The following DICER1 variants were observed in gnomAD, a reference collection of about 807,000 sequenced individuals.
DICER1 encodes the protein endoribonuclease Dicer.
In DICER1, 43 loss-of-function variants were observed where a neutral mutation model predicts 194.1. The ratio of observed to expected loss-of-function variants is 0.22; its 90% CI spans 0.17 to 0.29. The LOEUF (loss-of-function observed/expected upper bound fraction) is 0.29, where lower values mean the gene tolerates loss of function less well. DICER1 is among the 10% of genes least tolerant of loss of function. The pLI, the probability that DICER1 is intolerant of heterozygous loss-of-function variation, is 1.00. For missense variants in DICER1, 1,608 were observed against 2,317.0 expected, an observed-to-expected ratio of 0.69 and a Z score of 6.28; for synonymous variants, 832 against 820.5, an observed-to-expected ratio of 1.01 and a Z score of -0.24.
At chr14:95,120,718 A>G (rs891756699) in intron 8 of DICER1, among the ~76,000 whole-genome samples, 2 of 152,244 alleles carry the variant, frequency 1.3e-5, no homozygotes, top group African/African-American at 4.8e-5. Flanking sequence ...TTATGGCCCA[A>G]AGTATAAAAT....
At chr14:95,091,885 C>A (rs1267933039) in intron 24 of DICER1, among the ~76,000 whole-genome samples, 1 of 152,232 alleles carries the variant, frequency 6.6e-6, no homozygotes, top group South Asian at 2.1e-4. Context: ...CTTCATTAAG[C>A]CACTAGATAT....
At chr14:95,119,460 G>C (rs915749128) in intron 8 of DICER1, among the ~76,000 whole-genome samples, 4 of 152,156 alleles carry the variant, frequency 2.6e-5, no homozygotes, top group Admixed American at 2.6e-4. Flanking sequence ...CCAGTACCCA[G>C]GACAAAGCTA....
chr14:95,109,619 T>C (rs561846314), intron 14 of DICER1, among the ~76,000 whole-genome samples: 1 of 152,244 alleles, frequency 6.6e-6, no homozygotes, highest in Non-Finnish European at 1.5e-5. Flanking sequence ...GAGGAAAACA[T>C]GCATTTTGGG....
intron 1 of DICER1, among the ~76,000 whole-genome samples, chr14:95,138,840 A>C: frequency 7.7e-6 from 1 of 130,686 alleles, no homozygotes. Flanking sequence ...GGGGGGAGGG[A>C]TAGCATTGGG....
intron 1 of DICER1, among the ~76,000 whole-genome samples, chr14:95,142,980 T>C (rs142300579): frequency 6.8e-4 from 103 of 152,356 alleles, no homozygotes; most frequent in African/African-American, 2.4e-3. Context: ...CATGTTATTA[T>C]GCATCACAGA....
rs1214205296 is a variant in DICER1, at chr14:95,157,409, G to GCGCCGCGCCTC, written c.-236_-226dup. The GCGCCGCGCCTC allele has an allele frequency of 6.6e-6, 1 of 152,370 alleles. No individual in the cohort carries two copies. The highest frequency in any genetic ancestry group is 1.5e-5 in the Non-Finnish European group (1 of 68,110). 9.4% of individuals were successfully genotyped at this position (152,370 alleles called of 1,614,324 possible). ...CATTCACCTGGGCCTGCAGCAGCCT[G>GCGCCGCGCCTC]CGCCGCGCCTCCGCCTCGACCCCTC... On this transcript the variant is annotated 5_prime_UTR_variant, in exon 1 of 27. Transcript: ENST00000343455.
chr14:95,092,926 T>C (rs1270324512), intron 24 of DICER1, among the ~76,000 whole-genome samples: 1 of 152,208 alleles, frequency 6.6e-6, no homozygotes, highest in Non-Finnish European at 1.5e-5. Flanking sequence ...CTGTTCATCT[T>C]GGACAAGAGC....
At chr14:95,099,116 A>C (rs192243158) in intron 22 of DICER1, among the ~76,000 whole-genome samples, 13 of 152,356 alleles carry the variant, frequency 8.5e-5, no homozygotes. Flanking sequence ...ACTTCGGAAG[A>C]GGCACTAGAA....
chr14:95,147,247 G>A (rs1021182692), intron 1 of DICER1, among the ~76,000 whole-genome samples: 29 of 152,120 alleles, frequency 1.9e-4, no homozygotes, highest in Admixed American at 1.0e-3. Flanking sequence ...GGCAGATCAC[G>A]TGAGCCCAGG....
chr14:95,100,418 A>G (rs574907905), intron 21 of DICER1, among the ~76,000 whole-genome samples: 5 of 152,216 alleles, frequency 3.3e-5, no homozygotes, highest in Non-Finnish European at 5.9e-5. Flanking sequence ...AAACTGAAAC[A>G]ATGTTATATT....
intron 1 of DICER1, among the ~76,000 whole-genome samples, chr14:95,137,584 GA>G (rs199712009): frequency 6.6e-6 from 1 of 151,718 alleles, no homozygotes; most frequent in East Asian, 1.9e-4. Flanking sequence ...AGGGGAAGGG[GA>G]AAGGAAAAAA....
rs1277246725 is a variant in DICER1, at chr14:95,086,920, A to G, written c.*3578T>C. On this transcript the variant is annotated 3_prime_UTR_variant, in exon 27 of 27. Transcript: ENST00000343455. ...AACATGACATGAGTTTCTCTTCTGC[A>G]GATAATGCAAATGGGTTAAAGACTC... The G allele has an allele frequency of 4.3e-5, 10 of 232,858 alleles. No homozygotes were observed. Among genetic ancestry groups the G allele is most frequent in the Non-Finnish European group, 8.5e-6 (1 of 117,898 alleles). 14.4% of individuals were successfully genotyped at this position (232,858 alleles called of 1,614,324 possible). A position where few individuals can be genotyped will look rare whatever the true frequency, so the allele number is the denominator to read the frequency against.
At chr14:95,129,923 A>G in intron 5 of DICER1, 135 bp downstream of exon 5, 1 of 737,578 alleles carries the variant, frequency 1.4e-6, no homozygotes, top group Non-Finnish European at 2.2e-6. Context: ...TTAATTTAAT[A>G]TTCATTCATT....
At chr14:95,157,103 C>T (rs531331317) in intron 1 of DICER1, 127 bp downstream of exon 1, 2 of 150,690 alleles carry the variant, frequency 1.3e-5, no homozygotes, top group East Asian at 3.9e-4. Context: ...CGTCAGCGCC[C>T]GCCAGGCCCG....
In DICER1 at chr14:95,103,554, G is replaced by C. The variant is rs1306948597; in HGVS notation, c.3842C>G (p.Pro1281Arg). 1 of 1,614,142 alleles carries C rather than the reference G, an allele frequency of 6.2e-7. No individual in the cohort carries two copies. The highest frequency in any genetic ancestry group is 8.5e-7 in the Non-Finnish European group (1 of 1,180,022). ...AGTCCTTGAGGAGTACCCAATAGAA[G>C]GGCTCTGCTCAGAATCCATCCTGCC... is the stretch of plus-strand genomic sequence containing the variant. ...LKGRMDSEQSPSIGYSSRTLG... is the reference protein window; with the variant it reads ...LKGRMDSEQSRSIGYSSRTLG... The change falls in exon 21 of 27, where the codon CCT (proline) becomes CGT (arginine). Residue 1281 changes from proline (P) to arginine (R), a missense_variant. This residue lies in a region of DICER1 where 222 missense variants were observed against 215.5 expected (regional missense o/e 1.03). Transcript: ENST00000343455.
chr14:95,128,064 TCCC>T (rs1233201615), intron 6 of DICER1, among the ~76,000 whole-genome samples: 3 of 152,198 alleles, frequency 2.0e-5, no homozygotes, highest in Admixed American at 6.5e-5. Context: ...TAAGGAAAAC[TCCC>T]CCAACTTTCA....
chr14:95,123,225 T>G (rs548964714), intron 8 of DICER1, among the ~76,000 whole-genome samples: 2 of 152,194 alleles, frequency 1.3e-5, no homozygotes, highest in South Asian at 2.1e-4. Context: ...TGGTTCTAAA[T>G]TAGAAAAAAA....
At chr14:95,091,701 G>A (rs1013042194) in intron 24 of DICER1, among the ~76,000 whole-genome samples, 7 of 152,054 alleles carry the variant, frequency 4.6e-5, no homozygotes, top group Non-Finnish European at 8.8e-5. Context: ...AAATTCACTC[G>A]TAATCAAAGA....
At chr14:95,150,348 T>C (rs748911637) in intron 1 of DICER1, among the ~76,000 whole-genome samples, 1 of 152,052 alleles carries the variant, frequency 6.6e-6, no homozygotes, top group Non-Finnish European at 1.5e-5. Flanking sequence ...TAGCTCAATA[T>C]AGTGGCTTGC....
Sources: allele counts gnomAD v4.1 joint callset (sites outside exome capture counted in the v4.1 genomes callset), GRCh38; gene constraint gnomAD v4.1.1; regional missense constraint gnomAD v4.1.1; transcripts MANE v1.5; gene names NCBI Gene and HGNC (gene_info 2026-07-23, HGNC 2026-07-21).